The following MAD1L1 variants were observed in gnomAD, a reference collection of about 807,000 sequenced individuals.
MAD1L1 encodes mitotic spindle assembly checkpoint protein MAD1.
In MAD1L1, 95 loss-of-function variants were observed where a neutral mutation model predicts 96.9. The observed-to-expected ratio is 0.98, with a 90% CI of 0.83 to 1.16. The LOEUF (loss-of-function observed/expected upper bound fraction) is 1.16, where lower values mean the gene tolerates loss of function less well. Ranked by LOEUF, MAD1L1 falls within the 50% of genes most tolerant of loss-of-function variation. MAD1L1 has a pLI of 0.00. For synonymous variants in MAD1L1, 473 were observed against 396.6 expected, an observed-to-expected ratio of 1.19 and a Z score of -2.29; for missense variants, 1,007 against 954.4, an observed-to-expected ratio of 1.06 and a Z score of -0.73.
At chr7:1,866,742 T>C (rs561598879) in intron 18 of MAD1L1, among the ~76,000 whole-genome samples, 11 of 152,262 alleles carry the variant, frequency 7.2e-5, no homozygotes, top group Admixed American at 5.9e-4. Flanking sequence ...CAACTAGATC[T>C]GTTCCACGGG....
chr7:1,859,284 G>A (rs1379635938), intron 18 of MAD1L1, among the ~76,000 whole-genome samples: 1 of 152,232 alleles, frequency 6.6e-6, no homozygotes, highest in Non-Finnish European at 1.5e-5. Flanking sequence ...CCCTGACCAG[G>A]CCACAGTGGC....
At chr7:2,139,246 G>A (rs901675707) in intron 11 of MAD1L1, among the ~76,000 whole-genome samples, 3 of 152,128 alleles carry the variant, frequency 2.0e-5, no homozygotes, top group Non-Finnish European at 4.4e-5. Flanking sequence ...GACCCCCTGA[G>A]CCAGCAATGT....
chr7:2,219,579 G>A (rs898865792), intron 5 of MAD1L1, 123 bp from the exon 6 acceptor site: 33 of 931,474 alleles, frequency 3.5e-5, no homozygotes, highest in Middle Eastern at 5.3e-4. Flanking sequence ...CAGGGCAGGA[G>A]GCAGAGGGGC....
intron 11 of MAD1L1, among the ~76,000 whole-genome samples, chr7:2,081,561 G>A (rs1558462): frequency 0.18 from 27,311 of 152,112 alleles, 2,919 homozygotes; most frequent in Middle Eastern, 0.33. Context: ...GGCGGGGGGC[G>A]CTCCCTGCAT....
chr7:2,041,875 C>T (rs577773936), intron 12 of MAD1L1, among the ~76,000 whole-genome samples: 1 of 152,314 alleles, frequency 6.6e-6, no homozygotes, highest in Non-Finnish European at 1.5e-5. Flanking sequence ...CAGGTGCCTG[C>T]TTTGGCCTGG....
At chr7:2,032,837 G>C (rs563812199) in intron 12 of MAD1L1, among the ~76,000 whole-genome samples, 1 of 152,324 alleles carries the variant, frequency 6.6e-6, no homozygotes, top group Admixed American at 6.5e-5. Context: ...AGCACTGTAA[G>C]AACAGGCGAG....
At chr7:1,916,918 G>A (rs1424262416) in intron 17 of MAD1L1, among the ~76,000 whole-genome samples, 1 of 152,170 alleles carries the variant, frequency 6.6e-6, no homozygotes, top group Non-Finnish European at 1.5e-5. Context: ...TACGAGGCAC[G>A]ACCCTGGCAC....
chr7:2,106,993 C>T (rs373538954), intron 11 of MAD1L1, among the ~76,000 whole-genome samples: 7 of 152,220 alleles, frequency 4.6e-5, no homozygotes, highest in Non-Finnish European at 7.3e-5. Flanking sequence ...AGGCTCCTGA[C>T]GCCGTGTGTT....
intron 11 of MAD1L1, among the ~76,000 whole-genome samples, chr7:2,140,954 T>G (rs566581736): frequency 6.6e-6 from 1 of 152,356 alleles, no homozygotes; most frequent in South Asian, 2.1e-4. Context: ...GTAAATGCCA[T>G]TTTAAATATG....
intron 14 of MAD1L1, among the ~76,000 whole-genome samples, chr7:1,982,410 T>C (rs1035170086): frequency 1.3e-5 from 2 of 152,150 alleles, no homozygotes; most frequent in African/African-American, 2.4e-5. Context: ...GGTTTCACCA[T>C]GTTGGTGAGG....
chr7:1,940,892 T>C (rs534366078), intron 16 of MAD1L1, among the ~76,000 whole-genome samples: 1 of 59,728 alleles, frequency 1.7e-5, no homozygotes, highest in South Asian at 3.2e-4. Context: ...GCACAGCGTG[T>C]ACTCAGCCCT....
intron 17 of MAD1L1, among the ~76,000 whole-genome samples, chr7:1,907,931 G>A (rs931221388): frequency 2.0e-5 from 3 of 152,226 alleles, no homozygotes; most frequent in Non-Finnish European, 2.9e-5. Context: ...CAGGGTGACC[G>A]CCCTGGCCCC....
intron 14 of MAD1L1, among the ~76,000 whole-genome samples, chr7:1,983,909 ATTT>A (rs1161523006): frequency 6.6e-6 from 1 of 152,102 alleles, no homozygotes; most frequent in African/African-American, 2.4e-5. Context: ...TATTTCTACC[ATTT>A]TTCACTTTCC....
At chr7:1,957,574 C>A (rs753945168) in intron 16 of MAD1L1, 55 bp downstream of exon 16, 115 of 1,565,874 alleles carry the variant, frequency 7.3e-5, no homozygotes, top group Non-Finnish European at 9.2e-5. Flanking sequence ...TTCACGACGC[C>A]CAAAGAAATG....
rs145097209 is a variant in MAD1L1 at position 2,196,843 on chromosome 7, T to C, written c.986+16369A>G. ...ACAACGCGGCTGACTCCACGGCTCC[T>C]ACTCCATGAGGCTCTCAACTGACAA... is the stretch of plus-strand genomic sequence containing the variant. On this transcript the variant is annotated intron_variant, in intron 10 of 18. Coordinates refer to ENST00000265854, the MANE Select transcript of MAD1L1 (RefSeq NM_001013836.2). 9.8e-5 allele frequency among the ~76,000 whole-genome samples: 15 copies of C among 152,304 alleles called. No individual in the cohort carries two copies. In the East Asian group the frequency reaches 2.7e-3, roughly 27 times the overall value.
At chr7:2,042,515 A>G (rs769363030) in intron 12 of MAD1L1, among the ~76,000 whole-genome samples, 1 of 152,216 alleles carries the variant, frequency 6.6e-6, no homozygotes, top group Non-Finnish European at 1.5e-5. Context: ...ACTTGGCGAT[A>G]TGGTTTGGAT....
At chr7:1,979,273 T>C (rs1481705427) in intron 15 of MAD1L1, among the ~76,000 whole-genome samples, 1 of 152,196 alleles carries the variant, frequency 6.6e-6, no homozygotes, top group Non-Finnish European at 1.5e-5. Flanking sequence ...TGATGTCCCC[T>C]GGAGCTGTCT....
intron 18 of MAD1L1, among the ~76,000 whole-genome samples, chr7:1,837,340 T>G (rs1017612241): frequency 1.3e-5 from 2 of 152,222 alleles, no homozygotes; most frequent in Non-Finnish European, 1.5e-5. Context: ...ACTACAAGTC[T>G]CCTATACTGC....
chr7:2,124,434 G>A (rs967682751), intron 11 of MAD1L1, among the ~76,000 whole-genome samples: 3 of 152,370 alleles, frequency 2.0e-5, no homozygotes, highest in African/African-American at 4.8e-5. Flanking sequence ...GAAGACCTGG[G>A]AGATGAGTGG....
Sources: gnomAD v4.1 joint callset for allele counts (sites outside exome capture counted in the v4.1 genomes callset) on GRCh38, gnomAD v4.1.1 for gene constraint, MANE v1.5 for transcripts, NCBI Gene and HGNC (gene_info 2026-07-23, HGNC 2026-07-21) for gene names.